Variants in BRINP1 observed in about 807,000 individuals in gnomAD.
BRINP1 encodes the protein BMP/retinoic acid-inducible neural-specific protein 1.
In BRINP1, 17 loss-of-function variants were observed where a neutral mutation model predicts 72.9. The ratio of observed to expected loss-of-function variants is 0.23; its 90% confidence interval spans 0.16 to 0.35. The LOEUF (loss-of-function observed/expected upper bound fraction) is 0.35, where lower values mean the gene tolerates loss of function less well. Among genes scored for constraint, BRINP1 ranks in the 10% least tolerant of loss-of-function variants. BRINP1 has a pLI of 1.00. For synonymous variants in BRINP1, 418 were observed against 378.5 expected, an observed-to-expected ratio of 1.10 and a Z score of -1.21; for missense variants, 850 against 1,001.6, an observed-to-expected ratio of 0.85 and a Z score of 2.04.
chr9:119,282,909 A>G (rs532759184), intron 2 of BRINP1: 1 of 985,428 alleles, frequency 1.0e-6, no homozygotes, highest in African/African-American at 1.7e-5. Flanking sequence ...CAAAAGCTCT[A>G]TGCCCCTGGG....
rs1012274348 is a variant in BRINP1, at chr9:119,369,127, G to A, written c.-122C>T. 1.0e-5 allele frequency: 4 copies of A among 398,306 alleles called. No individual in the cohort carries two copies. The highest frequency in any genetic ancestry group is 2.6e-4 in the South Asian group (2 of 7,842). 24.7% of individuals were successfully genotyped at this position (398,306 alleles called of 1,614,324 possible). A position where few individuals can be genotyped will look rare whatever the true frequency, so the allele number is the denominator to read the frequency against. The stretch of plus-strand genomic sequence containing the variant: ...TTTATTCGGCTCGGTGGGAACTTGG[G>A]AGAGCCCTGCGTGCAGCTCGCATTC... On this transcript the variant is annotated 5_prime_UTR_variant, in exon 1 of 8. Coordinates refer to ENST00000265922, the MANE Select transcript of BRINP1 (RefSeq NM_014618.3).
chr9:119,176,773 G>T (rs1367637414), intron 7 of BRINP1, among the ~76,000 whole-genome samples: 1 of 152,098 alleles, frequency 6.6e-6, no homozygotes, highest in East Asian at 1.9e-4. Context: ...TTTCACTATC[G>T]CTCTGGAGTT....
chr9:119,253,682 TAAAGAACAA>T (rs1311245329), intron 2 of BRINP1, among the ~76,000 whole-genome samples: 2 of 151,676 alleles, frequency 1.3e-5, no homozygotes, highest in Non-Finnish European at 2.9e-5. Flanking sequence ...TTAAAAATGG[TAAAGAACAA>T]AAAGAACAAT....
chr9:119,307,635 G>T, intron 2 of BRINP1, among the ~76,000 whole-genome samples: 1 of 152,162 alleles, frequency 6.6e-6, no homozygotes, highest in Non-Finnish European at 1.5e-5. Context: ...AAAACGAAGA[G>T]GTATCCCTTT....
intron 1 of BRINP1, among the ~76,000 whole-genome samples, chr9:119,338,192 C>T (rs541815964): frequency 2.0e-4 from 30 of 151,662 alleles, no homozygotes; most frequent in Non-Finnish European, 3.7e-4. Context: ...ATCTCTAAGG[C>T]TCTGATTAGT....
intron 2 of BRINP1, among the ~76,000 whole-genome samples, chr9:119,253,115 G>C (rs1830410345): frequency 1.3e-5 from 2 of 152,186 alleles, no homozygotes; most frequent in Non-Finnish European, 2.9e-5. Context: ...ACCACGGACA[G>C]AGTTTTTTAT....
chr9:119,278,417 T>C (rs1334760312), intron 2 of BRINP1, among the ~76,000 whole-genome samples: 1 of 152,232 alleles, frequency 6.6e-6, no homozygotes, highest in Non-Finnish European at 1.5e-5. Context: ...ACTGTTTTTC[T>C]GGCCTCATAT....
rs748781358 is a variant in BRINP1, at chr9:119,313,194, G to A, written c.162C>T (p.Tyr54=). Residue 54 remains tyrosine, a synonymous_variant, in exon 2 of 8, where the codon TAC becomes TAT. Transcript: ENST00000265922. The part of the protein sequence containing the change: ...DRGPFHHSRS[Y]LSFVERHRQG... Reference sequence around the variant, plus strand: ...GACGGTGTCTTTCCACAAAGGATAGGTAGCTCCTGGAGTGGTGGAAAGGCC... The same window carrying A: ...GACGGTGTCTTTCCACAAAGGATAGATAGCTCCTGGAGTGGTGGAAAGGCC... 2 of 1,614,112 alleles carry A rather than the reference G, an allele frequency of 1.2e-6. No homozygotes were observed. The highest frequency in any genetic ancestry group is 1.7e-5 in the Admixed American group (1 of 60,020).
At chr9:119,294,854 A>T (rs1415236377) in intron 2 of BRINP1, among the ~76,000 whole-genome samples, 4 of 69,384 alleles carry the variant, frequency 5.8e-5, no homozygotes, top group Admixed American at 2.9e-4. Flanking sequence ...ACACTACGTT[A>T]AAAAAAAAAA....
chr9:119,187,643 CAAAG>C (rs1829638538), intron 7 of BRINP1, among the ~76,000 whole-genome samples: 1 of 151,948 alleles, frequency 6.6e-6, no homozygotes, highest in East Asian at 1.9e-4. Flanking sequence ...CATAAGGACA[CAAAG>C]AACATGAAAA....
In BRINP1 at chr9:119,197,311, C is replaced by T. The variant is rs977530495; in HGVS notation, c.1145+11408G>A. Among the ~76,000 whole-genome samples the T allele has an allele frequency of 2.6e-5, 4 of 152,124 alleles. 1 individual carries two copies. Among genetic ancestry groups the T allele is most frequent in the Non-Finnish European group, 5.9e-5 (4 of 68,022 alleles). ...GTCTCCCCAGCAGGAATGCATTTCTCTCACTCTCTTCTCTTGCAGCATTTC... is the reference window on the plus strand; with the variant it reads ...GTCTCCCCAGCAGGAATGCATTTCTTTCACTCTCTTCTCTTGCAGCATTTC... On this transcript the variant is annotated intron_variant, in intron 7 of 7. Coordinates refer to ENST00000265922, the MANE Select transcript of BRINP1 (RefSeq NM_014618.3).
At chr9:119,335,859 C>T (rs1260830843) in intron 1 of BRINP1, among the ~76,000 whole-genome samples, 2 of 152,228 alleles carry the variant, frequency 1.3e-5, no homozygotes. Context: ...TCAGGAGGTA[C>T]AGCCTCACAA....
At chr9:119,197,681 A>G (rs1181803126) in intron 7 of BRINP1, among the ~76,000 whole-genome samples, 1 of 128,158 alleles carries the variant, frequency 7.8e-6, no homozygotes, top group African/African-American at 3.1e-5. Context: ...GGAGCACTGA[A>G]CACTCTTGTC....
chr9:119,282,219 T>C (rs1381711898), intron 2 of BRINP1, among the ~76,000 whole-genome samples: 2 of 152,180 alleles, frequency 1.3e-5, no homozygotes, highest in Non-Finnish European at 2.9e-5. Flanking sequence ...TGAATTACTA[T>C]GTGTAGATGA....
At chr9:119,358,602 G>A (rs1180258709) in intron 1 of BRINP1, among the ~76,000 whole-genome samples, 3 of 152,288 alleles carry the variant, frequency 2.0e-5, no homozygotes, top group South Asian at 2.1e-4. Flanking sequence ...GCTGAGGCAG[G>A]AGAATCACTT....
intron 2 of BRINP1, among the ~76,000 whole-genome samples, chr9:119,250,260 C>T (rs957906583): frequency 6.6e-6 from 1 of 152,184 alleles, no homozygotes; most frequent in Admixed American, 6.5e-5. Flanking sequence ...CCAGAGCTCA[C>T]TTTAATCCAA....
chr9:119,210,910 C>T (rs1024066142), intron 6 of BRINP1, among the ~76,000 whole-genome samples: 21 of 152,126 alleles, frequency 1.4e-4, no homozygotes, highest in Admixed American at 3.9e-4. Flanking sequence ...AGAAAGTACT[C>T]GGTTGATGGT....
At chr9:119,252,110 C>T (rs182474954) in intron 2 of BRINP1, among the ~76,000 whole-genome samples, 1 of 152,144 alleles carries the variant, frequency 6.6e-6, no homozygotes, top group African/African-American at 2.4e-5. Flanking sequence ...CCCTCTCACT[C>T]GCTGCCATGC....
At chr9:119,280,928 G>A (rs1830704617) in intron 2 of BRINP1, among the ~76,000 whole-genome samples, 1 of 152,196 alleles carries the variant, frequency 6.6e-6, no homozygotes, top group African/African-American at 2.4e-5. Context: ...GACTGCTTAG[G>A]ACTTTGACAG....
Sources: allele counts gnomAD v4.1 joint callset (sites outside exome capture counted in the v4.1 genomes callset), GRCh38; gene constraint gnomAD v4.1.1; transcripts MANE v1.5; gene names NCBI Gene and HGNC (gene_info 2026-07-23, HGNC 2026-07-21).